Variants in IMMT observed in about 807,000 individuals in gnomAD.
IMMT encodes the protein inner membrane mitochondrial protein.
In IMMT, 40 loss-of-function variants were observed where a neutral mutation model predicts 92.7. That is an observed-to-expected ratio of 0.43 (90% confidence interval 0.34 to 0.56). IMMT has a LOEUF of 0.56. Ranked by LOEUF, IMMT falls within the 20% of genes least tolerant of loss-of-function variation. The pLI, the probability that IMMT is intolerant of heterozygous loss-of-function variation, is 0.03. For synonymous variants in IMMT, 322 were observed against 336.1 expected (o/e 0.96, Z 0.46); for missense variants, 831 against 912.1 (o/e 0.91, Z 1.14).
intron 11 of IMMT, among the ~76,000 whole-genome samples, chr2:86,153,342 C>CACA (rs1675619182): frequency 1.4e-5 from 2 of 147,842 alleles, no homozygotes; most frequent in South Asian, 2.2e-4. Context: ...CACACACACA[C>CACA]TTCACATCTA....
chr2:86,185,046 G>A (rs575856166), intron 1 of IMMT, among the ~76,000 whole-genome samples: 1 of 152,100 alleles, frequency 6.6e-6, no homozygotes, highest in African/African-American at 2.4e-5. Context: ...AAATTAGCCG[G>A]GCGTGGCAGT....
At chr2:86,186,379 C>T (rs1219037768) in intron 1 of IMMT, among the ~76,000 whole-genome samples, 9 of 152,166 alleles carry the variant, frequency 5.9e-5, no homozygotes, top group Admixed American at 2.6e-4. Context: ...GTTCCAGAAA[C>T]GTGCCCCTCT....
rs758972943 is a variant in IMMT, at chr2:86,162,098, T to C, written c.793-19A>G. On this transcript the variant is annotated intron_variant, in intron 7 of 14. Coordinates refer to ENST00000410111, the MANE Select transcript of IMMT (RefSeq NM_006839.3). ...CTGCAATCTAAACAAAAAATTTTAATTATATAATAAATAACTGCTATTATT... is the reference window on the plus strand; with the variant it reads ...CTGCAATCTAAACAAAAAATTTTAACTATATAATAAATAACTGCTATTATT... 3 of 1,458,984 alleles carry C rather than the reference T, an allele frequency of 2.1e-6. No individual in the cohort carries two copies. Among genetic ancestry groups the C allele is most frequent in the Non-Finnish European group, 2.8e-6 (3 of 1,075,850 alleles). The allele number at this position is 1,458,984 out of a possible 1,614,324, so 90.4% of individuals were successfully genotyped here. A position where few individuals can be genotyped will look rare whatever the true frequency, so the allele number is the denominator to read the frequency against.
At chr2:86,184,213 G>A (rs1672609001) in intron 1 of IMMT, among the ~76,000 whole-genome samples, 1 of 151,870 alleles carries the variant, frequency 6.6e-6, no homozygotes, top group Non-Finnish European at 1.5e-5. Context: ...CTGTTGCCAA[G>A]GTTGTGGAAT....
chr2:86,161,293 C>G (rs968868163), intron 8 of IMMT, among the ~76,000 whole-genome samples: 1 of 151,920 alleles, frequency 6.6e-6, no homozygotes, highest in Non-Finnish European at 1.5e-5. Flanking sequence ...TCCCGAGTCG[C>G]TGGGACTACA....
chr2:86,187,788 T>C (rs113333608), intron 1 of IMMT, among the ~76,000 whole-genome samples: 4,578 of 151,892 alleles, frequency 0.03, 211 homozygotes, highest in African/African-American at 0.1. Context: ...GGCGCATGCC[T>C]GTAATCCCAG....
chr2:86,145,686 A>G (rs770445144), intron 14 of IMMT, among the ~76,000 whole-genome samples: 2 of 152,000 alleles, frequency 1.3e-5, no homozygotes, highest in Non-Finnish European at 2.9e-5. Flanking sequence ...AATGTGGCAC[A>G]TGGAGGCCTC....
At chr2:86,184,360 T>C (rs778478967) in intron 1 of IMMT, among the ~76,000 whole-genome samples, 1 of 152,116 alleles carries the variant, frequency 6.6e-6, no homozygotes, top group African/African-American at 2.4e-5. Flanking sequence ...TTGTTTTTTA[T>C]AGAGCCAGGT....
chr2:86,170,983 T>C, intron 5 of IMMT, 139 bp from the exon 6 acceptor site: 1 of 711,576 alleles, frequency 1.4e-6, no homozygotes, highest in South Asian at 1.9e-5. Flanking sequence ...TCTAAAACCA[T>C]ATCATTACTC....
At position 86,153,665 on chromosome 2, in the gene IMMT, G is replaced by C. The variant is rs191338021; in HGVS notation, c.1163-91C>G. 3.7e-5 allele frequency: 28 copies of C among 757,922 alleles called. No individual in the cohort carries two copies. The East Asian group carries it at 8.8e-4, about 24-fold the overall frequency. The allele number at this position is 757,922 out of a possible 1,614,324, so 46.9% of individuals were successfully genotyped here. A position where few individuals can be genotyped will look rare whatever the true frequency, so the allele number is the denominator to read the frequency against. Reference sequence around the variant, plus strand: ...AACAGAAATATCTAAAAGGAAACAAGAAGGAATCGGAGACTAGTACCAGGA... The same window carrying C: ...AACAGAAATATCTAAAAGGAAACAACAAGGAATCGGAGACTAGTACCAGGA... On this transcript the variant is annotated intron_variant, in intron 10 of 14. Transcript: ENST00000410111.
intron 14 of IMMT, among the ~76,000 whole-genome samples, chr2:86,145,466 C>G (rs1263419832): frequency 7.1e-6 from 1 of 141,670 alleles, no homozygotes; most frequent in African/African-American, 2.7e-5. Context: ...CTGCACTCTA[C>G]CCTGGGCGAC....
At position 86,147,834 on chromosome 2, in the gene IMMT, C is replaced by G; in HGVS notation, c.1402-1G>C. ...CCATGGCATCTCTGACTTCTTCTAT[C>G]TGTGAAACCAAACATAGTAGTTATT... On this transcript the variant is annotated splice_acceptor_variant, in intron 12 of 14. Transcript: ENST00000410111. LOFTEE classifies it high-confidence loss of function. The G allele has an allele frequency of 1.2e-6, 2 of 1,613,294 alleles. No homozygotes were observed. Among genetic ancestry groups the G allele is most frequent in the Non-Finnish European group, 1.7e-6 (2 of 1,179,708 alleles).
chr2:86,181,420 T>C, intron 1 of IMMT, 48 bp from the exon 2 acceptor site: 2 of 1,352,282 alleles, frequency 1.5e-6, no homozygotes, highest in Non-Finnish European at 1.1e-6. Context: ...AGGAAACTGG[T>C]AAGCTTTTAG....
At chr2:86,161,910 GA>G (rs1676305881) in intron 8 of IMMT, 65 bp downstream of exon 8, 5 of 1,003,538 alleles carry the variant, frequency 5.0e-6, no homozygotes, top group Non-Finnish European at 7.7e-6. Context: ...ACAATACAAA[GA>G]AAACCCGGCC....
chr2:86,175,791 C>A lies in IMMT; in HGVS notation c.310-2030G>T, dbSNP rs1677392948. On this transcript the variant is annotated intron_variant, in intron 3 of 14. Transcript: ENST00000410111. ...CAGAGGTGAGAAAATTAACTTAGAT[C>A]TGTACAGTGAAGGATGCAGCCCCTG... Among the ~76,000 whole-genome samples the A allele has an allele frequency of 2.0e-5, 3 of 150,940 alleles. No individual in the cohort carries two copies. In the South Asian group the frequency reaches 6.2e-4, roughly 31 times the overall value.
chr2:86,194,596 CTTT>C (rs1205487456), intron 1 of IMMT, among the ~76,000 whole-genome samples: 2 of 152,184 alleles, frequency 1.3e-5, no homozygotes, highest in Non-Finnish European at 2.9e-5. Flanking sequence ...TGGAAACAGG[CTTT>C]TTAATTTTCA....
chr2:86,174,123 T>C (rs1056640441), intron 3 of IMMT, among the ~76,000 whole-genome samples: 1 of 152,246 alleles, frequency 6.6e-6, no homozygotes, highest in Non-Finnish European at 1.5e-5. Context: ...GTCTTCTGTA[T>C]ACATTCAGTT....
intron 10 of IMMT, among the ~76,000 whole-genome samples, chr2:86,157,805 A>AAAG (rs1553446332): frequency 2.0e-4 from 12 of 59,500 alleles, no homozygotes; most frequent in African/African-American, 6.1e-4. Context: ...AAAAAAAAAG[A>AAAG]AAAAAAAAAA....
chr2:86,157,214 CTTT>C (rs1206613583), intron 10 of IMMT, among the ~76,000 whole-genome samples: 4 of 152,224 alleles, frequency 2.6e-5, no homozygotes, highest in East Asian at 1.9e-4. Flanking sequence ...CATACTGTCA[CTTT>C]TTTATTTGAC....
Sources: allele counts gnomAD v4.1 joint callset (sites outside exome capture counted in the v4.1 genomes callset), GRCh38; gene constraint gnomAD v4.1.1; transcripts MANE v1.5; gene names NCBI Gene and HGNC (gene_info 2026-07-23, HGNC 2026-07-21).